The following TNKS variants were observed in gnomAD, a reference collection of about 807,000 sequenced individuals.
TNKS encodes tankyrase.
TNKS carries 72 observed loss-of-function variants against 135.8 expected under a neutral mutation model. The ratio of observed to expected loss-of-function variants is 0.53; its 90% confidence interval spans 0.44 to 0.64. TNKS has a LOEUF of 0.64. Among genes scored for constraint, TNKS ranks in the 30% least tolerant of loss-of-function variants. The probability of loss-of-function intolerance (pLI) is 0.00; values close to 1 mark genes in which losing one functional copy is unlikely to be tolerated. For missense variants in TNKS, 1,769 were observed against 1,674.0 expected (o/e 1.06, Z -0.99); for synonymous variants, 849 against 649.3 (o/e 1.31, Z -4.68).
chr8:9,654,121 C>G (rs1344547070), intron 3 of TNKS, among the ~76,000 whole-genome samples: 1 of 152,184 alleles, frequency 6.6e-6, no homozygotes, highest in African/African-American at 2.4e-5. Context: ...AGTCACTGTT[C>G]TGCAGATAGA....
At chr8:9,648,952 A>G (rs1801025082) in intron 3 of TNKS, among the ~76,000 whole-genome samples, 1 of 152,168 alleles carries the variant, frequency 6.6e-6, no homozygotes, top group Admixed American at 6.5e-5. Context: ...GAGAAAAAAA[A>G]AAAAACAGTG....
chr8:9,594,046 A>G lies in TNKS; in HGVS notation c.898+13663A>G, dbSNP rs142504087. Among the ~76,000 whole-genome samples the G allele has an allele frequency of 3.1e-3, 477 of 152,018 alleles. 4 individuals are homozygous for G. The highest frequency in any genetic ancestry group is 0.011 in the African/African-American group (443 of 41,486). ...GGACTGTAGGAACCCGCCACCACGC[A>G]TGGCTATGTTTTGTATTTTTAGTAG... On this transcript the variant is annotated intron_variant, in intron 2 of 26. Transcript: ENST00000310430.
intron 14 of TNKS, among the ~76,000 whole-genome samples, chr8:9,732,593 A>C (rs568558350): frequency 6.6e-6 from 1 of 152,240 alleles, no homozygotes; most frequent in East Asian, 1.9e-4. Flanking sequence ...AAAAAAAAAA[A>C]AAAATGCACT....
chr8:9,673,435 C>T (rs939785529), intron 3 of TNKS, among the ~76,000 whole-genome samples: 2 of 145,832 alleles, frequency 1.4e-5, no homozygotes, highest in African/African-American at 2.5e-5. Flanking sequence ...GGCCTTTTAC[C>T]TTTTGGATTT....
intron 3 of TNKS, among the ~76,000 whole-genome samples, chr8:9,662,877 C>T (rs1252468725): frequency 6.6e-6 from 1 of 152,192 alleles, no homozygotes; most frequent in Non-Finnish European, 1.5e-5. Context: ...ATACTAGCCC[C>T]CATAGATGTC....
chr8:9,731,077 T>A, intron 14 of TNKS, 42 bp downstream of exon 14: 1 of 1,499,622 alleles, frequency 6.7e-7, no homozygotes, highest in Non-Finnish European at 8.9e-7. Flanking sequence ...ATTCTCTTCA[T>A]GCTTAAAAAA....
chr8:9,765,239 C>T (rs1312954205), intron 23 of TNKS, among the ~76,000 whole-genome samples: 1 of 152,082 alleles, frequency 6.6e-6, no homozygotes, highest in Non-Finnish European at 1.5e-5. Context: ...AAGCTTTTTA[C>T]AAAGGGGTAT....
intron 5 of TNKS, among the ~76,000 whole-genome samples, chr8:9,696,122 G>A (rs1302846106): frequency 6.6e-6 from 1 of 152,182 alleles, no homozygotes; most frequent in Non-Finnish European, 1.5e-5. Context: ...CTGGGGAGTT[G>A]TCAGTTCATG....
chr8:9,767,873 G>T (rs1284489410), intron 25 of TNKS, among the ~76,000 whole-genome samples: 2 of 151,560 alleles, frequency 1.3e-5, no homozygotes, highest in African/African-American at 4.9e-5. Context: ...GCAGGAGAAT[G>T]GTGAGTACCC....
chr8:9,585,808 A>G (rs1359135817), intron 2 of TNKS, among the ~76,000 whole-genome samples: 5 of 152,172 alleles, frequency 3.3e-5, no homozygotes, highest in Non-Finnish European at 4.4e-5. Context: ...CTCACTGAAT[A>G]TCTTTCTTGG....
chr8:9,583,560 C>T (rs1359304072), intron 2 of TNKS, among the ~76,000 whole-genome samples: 1 of 151,860 alleles, frequency 6.6e-6, no homozygotes, highest in African/African-American at 2.4e-5. Context: ...GCGATCTCTG[C>T]TCACTGCGAA....
intron 5 of TNKS, among the ~76,000 whole-genome samples, chr8:9,700,290 T>G (rs1803732752): frequency 6.6e-6 from 1 of 152,172 alleles, no homozygotes; most frequent in South Asian, 2.1e-4. Flanking sequence ...TGCATTTCCT[T>G]TAGAGAATCA....
At chr8:9,709,808 G>GATC (rs1804232401) in intron 9 of TNKS, 147 bp from the exon 10 acceptor site, 2 of 640,376 alleles carry the variant, frequency 3.1e-6, no homozygotes. Flanking sequence ...AAAGAATATG[G>GATC]ATCATCTCTG....
intron 3 of TNKS, among the ~76,000 whole-genome samples, chr8:9,663,323 C>T (rs866715350): frequency 3.3e-5 from 5 of 152,132 alleles, no homozygotes; most frequent in African/African-American, 1.2e-4. Flanking sequence ...TACCTCAGAG[C>T]ATTATTTGAG....
intron 5 of TNKS, among the ~76,000 whole-genome samples, chr8:9,684,110 C>A (rs1802892898): frequency 6.6e-6 from 1 of 151,888 alleles, no homozygotes; most frequent in African/African-American, 2.4e-5. Context: ...CTACCTTCTG[C>A]CCAGTATGAT....
chr8:9,724,288 TA>T (rs1805052102), intron 12 of TNKS, among the ~76,000 whole-genome samples: 1 of 152,006 alleles, frequency 6.6e-6, no homozygotes, highest in African/African-American at 2.4e-5. Flanking sequence ...CGTCTCTACT[TA>T]AAAATTTTTA....
chr8:9,758,889 C>G (rs1806993581), intron 20 of TNKS, among the ~76,000 whole-genome samples: 2 of 152,200 alleles, frequency 1.3e-5, no homozygotes, highest in Admixed American at 1.3e-4. Context: ...GCTTCACGAT[C>G]TCTCACAAGG....
chr8:9,701,139 G>T (rs1365443613), intron 5 of TNKS, among the ~76,000 whole-genome samples: 3 of 151,966 alleles, frequency 2.0e-5, no homozygotes, highest in East Asian at 3.9e-4. Context: ...GGGTTTCATC[G>T]TGTTAGCCAG....
At chr8:9,627,062 T>C (rs932647449) in intron 3 of TNKS, among the ~76,000 whole-genome samples, 3 of 152,120 alleles carry the variant, frequency 2.0e-5, no homozygotes, top group Non-Finnish European at 4.4e-5. Flanking sequence ...GAAGGTTAAG[T>C]TGATCACCAG....
Sources: gnomAD v4.1 joint callset for allele counts (sites outside exome capture counted in the v4.1 genomes callset) on GRCh38, gnomAD v4.1.1 for gene constraint, MANE v1.5 for transcripts, NCBI Gene and HGNC (gene_info 2026-07-23, HGNC 2026-07-21) for gene names.